HTR4: variants seen among roughly 807,000 people sequenced by gnomAD.
The protein encoded by HTR4 is 5-hydroxytryptamine receptor 4, also known as 5-hydroxytryptamine (serotonin) receptor 4, G protein-coupled.
Under a neutral mutation model 36.8 loss-of-function variants are expected in HTR4, and 16 were observed. That is an observed-to-expected ratio of 0.43 (90% CI 0.29 to 0.66). The LOEUF is 0.66. HTR4 is among the 30% of genes least tolerant of loss of function. HTR4 has a pLI of 0.13. For synonymous variants in HTR4, 189 were observed against 185.1 expected, an observed-to-expected ratio of 1.02 and a Z score of -0.17; for missense variants, 438 against 490.9, an observed-to-expected ratio of 0.89 and a Z score of 1.02.
chr5:148,622,030 C>T (rs144507183), intron 2 of HTR4, among the ~76,000 whole-genome samples: 286 of 152,232 alleles, frequency 1.9e-3, no homozygotes, highest in Non-Finnish European at 3.3e-3. Context: ...CAGCTTTGAC[C>T]GGTATCCAAA....
At chr5:148,594,220 G>C (rs896845406) in intron 2 of HTR4, among the ~76,000 whole-genome samples, 1 of 152,080 alleles carries the variant, frequency 6.6e-6, no homozygotes, top group African/African-American at 2.4e-5. Flanking sequence ...CTCACAGACA[G>C]GTAAATGCTT....
chr5:148,524,252 C>G (rs1758158064), intron 4 of HTR4, among the ~76,000 whole-genome samples: 1 of 152,158 alleles, frequency 6.6e-6, no homozygotes. Flanking sequence ...TGGATAGGAC[C>G]AAGGGACTAG....
At chr5:148,634,178 A>G (rs572050876) in intron 2 of HTR4, among the ~76,000 whole-genome samples, 9 of 152,274 alleles carry the variant, frequency 5.9e-5, no homozygotes, top group Non-Finnish European at 1.0e-4. Flanking sequence ...CCTCAATTCT[A>G]GAGCTTGTGG....
intron 2 of HTR4, among the ~76,000 whole-genome samples, chr5:148,626,699 A>T (rs61580351): frequency 0.13 from 19,957 of 152,178 alleles, 1,771 homozygotes; most frequent in African/African-American, 0.25. Context: ...TTTGGTCAGA[A>T]GAAGGCAGAG....
chr5:148,562,732 G>A (rs1264257729), intron 2 of HTR4, among the ~76,000 whole-genome samples: 1 of 152,088 alleles, frequency 6.6e-6, no homozygotes, highest in Non-Finnish European at 1.5e-5. Flanking sequence ...TGAATACATA[G>A]CAAATCTATT....
intron 1 of HTR4, among the ~76,000 whole-genome samples, chr5:148,653,334 C>T (rs1414330535): frequency 6.6e-6 from 1 of 152,210 alleles, no homozygotes; most frequent in African/African-American, 2.4e-5. Flanking sequence ...ATGCCTACCA[C>T]TTTTTGACCT....
intron 4 of HTR4, among the ~76,000 whole-genome samples, chr5:148,532,506 A>G (rs989796112): frequency 3.9e-5 from 6 of 152,238 alleles, no homozygotes; most frequent in African/African-American, 1.4e-4. Flanking sequence ...AGATGTGAAC[A>G]GGCATATCTA....
chr5:148,629,560 C>T (rs564852096), intron 2 of HTR4: 3 of 152,222 alleles, frequency 2.0e-5, no homozygotes, highest in Non-Finnish European at 4.4e-5. Flanking sequence ...GAGCTGGAGG[C>T]TGCAGAGGTT....
rs369824675 is a variant in HTR4 at position 148,470,971 on chromosome 5, G to A, written c.1077-19699C>T. ...CCCAAAGTGCTGGGATTACAGGCAT[G>A]AGCCACTGTGGGCCCAGCCTCTAAA... On this transcript the variant is annotated intron_variant, in intron 5 of 5. Transcript: ENST00000521530. Among the ~76,000 whole-genome samples, 5 of 152,300 alleles carry A rather than the reference G, an allele frequency of 3.3e-5. No homozygotes were observed. In the East Asian group the frequency reaches 7.7e-4, roughly 24 times the overall value.
At chr5:148,509,390 C>T in intron 6 of HTR4, 66 bp downstream of exon 6, 1 of 1,240,346 alleles carries the variant, frequency 8.1e-7, no homozygotes. Flanking sequence ...AAACAGAAAA[C>T]TGGAGCATTA....
At chr5:148,517,168 CT>C (rs1285763061) in intron 5 of HTR4, among the ~76,000 whole-genome samples, 1 of 152,118 alleles carries the variant, frequency 6.6e-6, no homozygotes, top group Non-Finnish European at 1.5e-5. Flanking sequence ...TCTCTCCTTC[CT>C]TATAATATGT....
At chr5:148,588,527 C>CCT (rs1275300921) in intron 2 of HTR4, among the ~76,000 whole-genome samples, 1 of 110,156 alleles carries the variant, frequency 9.1e-6, no homozygotes. Context: ...GGTTTTAATT[C>CCT]TTTTTTTTTT....
At chr5:148,624,765 G>T (rs1325036712) in intron 2 of HTR4, among the ~76,000 whole-genome samples, 4 of 152,160 alleles carry the variant, frequency 2.6e-5, no homozygotes, top group South Asian at 2.1e-4. Flanking sequence ...ATGGGTAATG[G>T]TTATTAATAT....
chr5:148,562,108 C>G (rs1475644813), intron 2 of HTR4, among the ~76,000 whole-genome samples: 4 of 152,216 alleles, frequency 2.6e-5, no homozygotes, highest in Non-Finnish European at 2.9e-5. Flanking sequence ...GGGCCGAATC[C>G]AGCCTGCTGT....
At chr5:148,609,970 A>C (rs1752349733) in intron 2 of HTR4, among the ~76,000 whole-genome samples, 1 of 152,192 alleles carries the variant, frequency 6.6e-6, no homozygotes, top group Admixed American at 6.5e-5. Flanking sequence ...GAGAAGAATA[A>C]ATTAATGGAA....
chr5:148,604,256 A>G (rs1411748930), intron 2 of HTR4, among the ~76,000 whole-genome samples: 1 of 152,196 alleles, frequency 6.6e-6, no homozygotes, highest in Admixed American at 6.5e-5. Context: ...CAACATGCGT[A>G]TCTGAAAAAT....
At chr5:148,501,024 C>T (rs1355808809) in intron 6 of HTR4, among the ~76,000 whole-genome samples, 2 of 152,110 alleles carry the variant, frequency 1.3e-5, no homozygotes, top group Non-Finnish European at 2.9e-5. Context: ...AATACTAGCA[C>T]ATGCACCAAG....
intron 6 of HTR4, among the ~76,000 whole-genome samples, chr5:148,504,059 C>T (rs990997006): frequency 2.0e-5 from 3 of 152,028 alleles, no homozygotes; most frequent in Admixed American, 2.0e-4. Context: ...ACTTTAACAC[C>T]CCACTGTCAA....
intron 2 of HTR4, among the ~76,000 whole-genome samples, chr5:148,588,712 T>G (rs1001012736): frequency 2.0e-5 from 3 of 150,924 alleles, no homozygotes; most frequent in Non-Finnish European, 4.4e-5. Context: ...GGCTAATTTT[T>G]TGTATTTTTA....
Sources: allele counts gnomAD v4.1 joint callset (sites outside exome capture counted in the v4.1 genomes callset), GRCh38; gene constraint gnomAD v4.1.1; transcripts MANE v1.5; gene names NCBI Gene and HGNC (gene_info 2026-07-23, HGNC 2026-07-21).